The following COMMD1 variants were observed in gnomAD, a reference collection of about 807,000 sequenced individuals.
The protein encoded by COMMD1 is COMM domain-containing protein 1.
A neutral mutation model predicts 17.2 loss-of-function variants in COMMD1; 10 were observed. That is an observed-to-expected ratio of 0.58 (90% confidence interval 0.36 to 0.99). The LOEUF is 0.99. Among genes scored for constraint, COMMD1 ranks in the 50% least tolerant of loss-of-function variants. The pLI is 0.01. For synonymous variants in COMMD1, 97 were observed against 91.6 expected, an observed-to-expected ratio of 1.06 and a Z score of -0.34; for missense variants, 270 against 231.8, an observed-to-expected ratio of 1.17 and a Z score of -1.07.
At chr2:62,085,221 A>ATTT (rs36006181) in intron 2 of COMMD1, among the ~76,000 whole-genome samples, 4 of 144,412 alleles carry the variant, frequency 2.8e-5, no homozygotes, top group African/African-American at 1.0e-4. Flanking sequence ...TACAGTTTGA[A>ATTT]TTTTTTTTTT....
In COMMD1 at chr2:61,981,671, C is replaced by G. The variant is rs1364881158; in HGVS notation, c.181-19030C>G. 3.3e-4 allele frequency among the ~76,000 whole-genome samples: 50 copies of G among 152,146 alleles called. 1 individual carries two copies. The highest frequency in any genetic ancestry group is 3.3e-3 in the Admixed American group (50 of 15,266). On this transcript the variant is annotated intron_variant, in intron 1 of 2. Coordinates refer to ENST00000311832, the MANE Select transcript of COMMD1 (RefSeq NM_152516.4). ...TCATGGCGGAAGGTGAAAGGCACAT[C>G]TCACATGAAGGTAGACAAGAGAAGA...
At chr2:62,038,530 A>G (rs1449474046) in intron 2 of COMMD1, among the ~76,000 whole-genome samples, 2 of 151,494 alleles carry the variant, frequency 1.3e-5, no homozygotes, top group African/African-American at 4.9e-5. Flanking sequence ...TTGATATTTT[A>G]TTTTTTATCA....
At position 61,949,660 on chromosome 2, in the gene COMMD1, A is replaced by G. The variant is rs1169290978; in HGVS notation, c.180+43802A>G. Among the ~76,000 whole-genome samples the G allele has an allele frequency of 8.2e-5, 9 of 109,474 alleles. 3 individuals carry two copies. The highest frequency in any genetic ancestry group is 3.0e-4 in the African/African-American group (9 of 30,236). The allele number at this position is 109,474 out of a possible 152,430, so 71.8% of individuals were successfully genotyped here. On this transcript the variant is annotated intron_variant, in intron 1 of 2. Transcript: ENST00000311832. Reference sequence around the variant, plus strand: ...TCCAGATCAAGGCAGATTCAGTTAAAATAAAAAAAAGAATGATGTTTGTGA... The same window carrying G: ...TCCAGATCAAGGCAGATTCAGTTAAGATAAAAAAAAGAATGATGTTTGTGA...
chr2:61,958,716 T>C (rs1334715896), intron 1 of COMMD1, among the ~76,000 whole-genome samples: 1 of 152,236 alleles, frequency 6.6e-6, no homozygotes, highest in Non-Finnish European at 1.5e-5. Flanking sequence ...CATAAATGTT[T>C]GGTTTTATAA....
At position 62,063,481 on chromosome 2, in the gene COMMD1, C is replaced by T. The variant is rs79113619; in HGVS notation, c.462+62499C>T. 2.2e-3 allele frequency among the ~76,000 whole-genome samples: 342 copies of T among 152,196 alleles called. 3 individuals are homozygous for T. The highest frequency in any genetic ancestry group is 4.6e-3 in the Admixed American group (70 of 15,292). ...CTGGGATTACAGGCGTGAGCCACCG[C>T]ACCTGGCTTAATATTTCTTAAATGA... On this transcript the variant is annotated intron_variant, in intron 2 of 2. Transcript: ENST00000311832.
At chr2:61,985,935 G>A (rs1205571811) in intron 1 of COMMD1, among the ~76,000 whole-genome samples, 2 of 152,086 alleles carry the variant, frequency 1.3e-5, no homozygotes, top group Non-Finnish European at 2.9e-5. Context: ...AGAATATTCT[G>A]TGTTTTTTCA....
upstream of COMMD1, chr2:61,888,720 G>A (rs1161628680): frequency 5.3e-6 from 3 of 564,942 alleles, no homozygotes; most frequent in East Asian, 3.3e-5. Context: ...CGCCGGGCGA[G>A]GAGGATGCGT....
intron 1 of COMMD1, among the ~76,000 whole-genome samples, chr2:61,973,445 G>A (rs1212816757): frequency 6.6e-6 from 1 of 152,196 alleles, no homozygotes; most frequent in African/African-American, 2.4e-5. Context: ...ATTTTTGCCA[G>A]TATAATGGAA....
intron 2 of COMMD1, among the ~76,000 whole-genome samples, chr2:62,078,399 A>AAATAAAAT (rs1671412990): frequency 6.8e-6 from 1 of 146,700 alleles, no homozygotes; most frequent in Admixed American, 6.8e-5. Flanking sequence ...TAAAAATAAA[A>AAATAAAAT]AAAATTAGCC....
intron 2 of COMMD1, among the ~76,000 whole-genome samples, chr2:62,014,456 G>C (rs1409318625): frequency 6.9e-6 from 1 of 144,396 alleles, no homozygotes; most frequent in Non-Finnish European, 1.5e-5. Flanking sequence ...GATAAATGTA[G>C]AAGGCCTCTG....
chr2:61,949,799 C>T (rs1671003752), intron 1 of COMMD1, among the ~76,000 whole-genome samples: 1 of 152,170 alleles, frequency 6.6e-6, no homozygotes. Flanking sequence ...ATGACGCAGG[C>T]CCTTATGGAC....
intron 1 of COMMD1, among the ~76,000 whole-genome samples, chr2:61,966,537 A>G (rs796241698): frequency 2.6e-5 from 4 of 152,216 alleles, no homozygotes; most frequent in African/African-American, 7.2e-5. Context: ...TTTCACTTCT[A>G]TTTTTAGCTG....
At chr2:61,983,358 T>C (rs1309179553) in intron 1 of COMMD1, among the ~76,000 whole-genome samples, 1 of 146,476 alleles carries the variant, frequency 6.8e-6, no homozygotes. Flanking sequence ...CCTGGCTAAT[T>C]TTTTTGTATT....
At chr2:62,107,599 T>C (rs893078767) in intron 2 of COMMD1, among the ~76,000 whole-genome samples, 1 of 152,238 alleles carries the variant, frequency 6.6e-6, no homozygotes. Flanking sequence ...TAGCCTTTTC[T>C]TTGGGGTTTA....
At chr2:61,935,503 C>T (rs1260392341) in intron 1 of COMMD1, among the ~76,000 whole-genome samples, 1 of 152,076 alleles carries the variant, frequency 6.6e-6, no homozygotes, top group Non-Finnish European at 1.5e-5. Context: ...TGGCAGGTGC[C>T]TGTAATCCTA....
Position 62,000,708 on chromosome 2 carries a change from C to G in COMMD1, c.188C>G (p.Ala63Gly), listed in dbSNP as rs531163927. The change falls in exon 2 of 3, where the codon GCG becomes GGG. Residue 63 changes from alanine (A) to glycine (G), a missense_variant. Physicochemically the swap from Ala to Gly is moderately conservative, Grantham distance 60. Transcript: ENST00000311832. ...TTTCTGTCATCTTTATAGTCTATTG[C>G]GTCTGCAGACATGGATTTCAACCAG... ...AKMRGILKSI[A>G]SADMDFNQLE... is the part of the protein sequence containing the mutation. 5.6e-6 allele frequency: 9 copies of G among 1,614,048 alleles called. No individual in the cohort carries two copies. Among genetic ancestry groups the G allele is most frequent in the Non-Finnish European group, 6.8e-6 (8 of 1,180,004 alleles).
intron 1 of COMMD1, among the ~76,000 whole-genome samples, chr2:61,986,196 A>G (rs1384520797): frequency 6.6e-5 from 10 of 151,922 alleles, no homozygotes; most frequent in South Asian, 4.2e-4. Flanking sequence ...TGTCATGCCA[A>G]TCTCACCTGG....
At chr2:61,993,781 T>C (rs972834160) in intron 1 of COMMD1, among the ~76,000 whole-genome samples, 16 of 152,192 alleles carry the variant, frequency 1.1e-4, no homozygotes, top group Non-Finnish European at 5.9e-5. Flanking sequence ...GTTCAAGATA[T>C]TATTGACTGG....
chr2:61,925,899 A>G (rs1009717243), intron 1 of COMMD1, among the ~76,000 whole-genome samples: 1 of 152,166 alleles, frequency 6.6e-6, no homozygotes, highest in Non-Finnish European at 1.5e-5. Flanking sequence ...ACAATATATT[A>G]CAAGAGTCCT....
Sources: gnomAD v4.1 joint callset for allele counts (sites outside exome capture counted in the v4.1 genomes callset) on GRCh38, gnomAD v4.1.1 for gene constraint, MANE v1.5 for transcripts, NCBI Gene and HGNC (gene_info 2026-07-23, HGNC 2026-07-21) for gene names.